AKAP9: variants seen among roughly 807,000 people sequenced by gnomAD.
The protein encoded by AKAP9 is A-kinase anchoring protein 9.
A neutral mutation model predicts 488.5 loss-of-function variants in AKAP9; 311 were observed. That is an observed-to-expected ratio of 0.64 (90% CI 0.58 to 0.70). The LOEUF is 0.70. Among genes scored for constraint, AKAP9 ranks in the 30% least tolerant of loss-of-function variants. The pLI is 0.00. For synonymous variants in AKAP9, 1,462 were observed against 1,483.5 expected (o/e 0.99, Z 0.33); for missense variants, 4,215 against 4,374.5 (o/e 0.96, Z 1.03).
intron 26 of AKAP9, among the ~76,000 whole-genome samples, chr7:92,067,505 C>T (rs1232969206): frequency 5.3e-5 from 8 of 152,202 alleles, no homozygotes; most frequent in African/African-American, 1.9e-4. Flanking sequence ...GACTGCACTA[C>T]ATCTTTCTGT....
Position 92,040,789 on chromosome 7 carries a change from A to G in AKAP9, c.4808A>G (p.Gln1603Arg). Reference protein sequence around the residue: ...ELVRQYQEHQQATELLRQAHM... With the variant: ...ELVRQYQEHQRATELLRQAHM... ...GTACGACAATACCAAGAACATCAAC[A>G]GGCAACGGAATTGTTAAGGCAAGCA... Residue 1603 changes from glutamine (Q) to arginine (R), a missense_variant, in exon 18 of 50, where the codon CAG (glutamine) becomes CGG (arginine). Around this residue, in one of 5 missense-constraint regions of AKAP9, gnomAD observed 2,361 missense variants for 2,430.0 expected, o/e 0.97. Coordinates refer to ENST00000356239, the MANE Select transcript of AKAP9 (RefSeq NM_005751.5). 1 of 1,614,094 alleles carries G rather than the reference A, an allele frequency of 6.2e-7. No homozygotes were observed. Among genetic ancestry groups the G allele is most frequent in the Non-Finnish European group, 8.5e-7 (1 of 1,180,026 alleles).
At chr7:92,018,828 T>C (rs1453938405) in intron 12 of AKAP9, among the ~76,000 whole-genome samples, 4 of 152,230 alleles carry the variant, frequency 2.6e-5, no homozygotes, top group African/African-American at 9.6e-5. Flanking sequence ...AGGTCAGTCC[T>C]TCTGAGCTGC....
chr7:92,081,194 A>G (rs1202696898), intron 31 of AKAP9, among the ~76,000 whole-genome samples: 1 of 152,116 alleles, frequency 6.6e-6, no homozygotes, highest in Non-Finnish European at 1.5e-5. Flanking sequence ...TTTAAGTAAT[A>G]ATAAGTATGA....
chr7:92,009,305 A>G (rs1450880506), intron 8 of AKAP9, among the ~76,000 whole-genome samples: 1 of 152,190 alleles, frequency 6.6e-6, no homozygotes, highest in Admixed American at 6.5e-5. Flanking sequence ...GATACCAAAG[A>G]GATTCATAAA....
intron 8 of AKAP9, among the ~76,000 whole-genome samples, chr7:92,003,720 C>T (rs142628906): frequency 6.6e-6 from 1 of 151,790 alleles, no homozygotes; most frequent in African/African-American, 2.4e-5. Flanking sequence ...GAAAAAAAAA[C>T]CTTTGATTTA....
chr7:92,016,261 G>C lies in AKAP9; in HGVS notation c.3745G>C (p.Val1249Leu). ...DPELQDYRYE[V>L]QDFQENMHTL... Reference sequence around the variant, plus strand: ...AGAATTACAAGATTATAGATATGAAGTTCAAGGTAATAAAAGCTTACCATA... The same window carrying C: ...AGAATTACAAGATTATAGATATGAACTTCAAGGTAATAAAAGCTTACCATA... Residue 1249 changes from valine (V) to leucine (L), a missense_variant, in exon 11 of 50, where the codon GTT (valine) becomes CTT (leucine). Transcript: ENST00000356239. 6.5e-7 allele frequency: 1 copy of C among 1,534,482 alleles called. No individual in the cohort carries two copies. Among genetic ancestry groups the C allele is most frequent in the Non-Finnish European group, 9.0e-7 (1 of 1,112,490 alleles).
At chr7:92,106,328 A>C (rs1158998619) in intron 47 of AKAP9, among the ~76,000 whole-genome samples, 1 of 152,160 alleles carries the variant, frequency 6.6e-6, no homozygotes, top group Non-Finnish European at 1.5e-5. Context: ...TATTCTCCCA[A>C]TCCTATGATA....
At chr7:92,105,630 T>TA in intron 46 of AKAP9, 48 bp from the exon 47 acceptor site, 1 of 1,303,468 alleles carries the variant, frequency 7.7e-7, no homozygotes, top group South Asian at 1.2e-5. Flanking sequence ...GAAATGTATA[T>TA]ACTGTTTATA....
rs1234117082 is a variant in AKAP9 at position 92,095,014 on chromosome 7, C to G, written c.9579-9C>G. 1.2e-6 allele frequency: 2 copies of G among 1,613,398 alleles called. No homozygotes were observed. The highest frequency in any genetic ancestry group is 1.7e-6 in the Non-Finnish European group (2 of 1,179,446). On this transcript the variant is annotated splice_polypyrimidine_tract_variant and intron_variant, in intron 39 of 49. Coordinates refer to ENST00000356239, the MANE Select transcript of AKAP9 (RefSeq NM_005751.5). ...GCTTTATGGAAATTCATTTGTCTTT[C>G]TGACTTAGGTTGGAAGTTAAAGATA...
chr7:92,045,302 A>G, intron 21 of AKAP9, 89 bp downstream of exon 21: 2 of 1,296,702 alleles, frequency 1.5e-6, no homozygotes, highest in Non-Finnish European at 1.1e-6. Context: ...TATAGAAGAG[A>G]AAATAAGTAT....
chr7:92,109,732 T>TC (rs1438306701), intron 49 of AKAP9, among the ~76,000 whole-genome samples: 5 of 152,182 alleles, frequency 3.3e-5, no homozygotes, highest in Non-Finnish European at 5.9e-5. Context: ...GGTCAGGAGT[T>TC]CAAGACCAAC....
chr7:91,973,189 A>T (rs1795294900), intron 1 of AKAP9, among the ~76,000 whole-genome samples: 1 of 152,142 alleles, frequency 6.6e-6, no homozygotes, highest in Non-Finnish European at 1.5e-5. Context: ...CAGCCTGGGC[A>T]ACGTGGCAAA....
At chr7:92,023,837 A>G (rs1021923453) in intron 14 of AKAP9, among the ~76,000 whole-genome samples, 22 of 152,076 alleles carry the variant, frequency 1.4e-4, no homozygotes, top group Admixed American at 7.9e-4. Flanking sequence ...TCCTTAAACA[A>G]GCATTATCAG....
At chr7:91,985,152 T>C (rs1377400230) in intron 3 of AKAP9, among the ~76,000 whole-genome samples, 1 of 152,224 alleles carries the variant, frequency 6.6e-6, no homozygotes, top group Non-Finnish European at 1.5e-5. Flanking sequence ...AAGACTATGT[T>C]GAATAGGAGT....
intron 38 of AKAP9, chr7:92,090,554 G>A (rs1447263521): frequency 6.6e-6 from 1 of 151,862 alleles, no homozygotes; most frequent in African/African-American, 2.4e-5. Context: ...CCCAGAAGGT[G>A]GAGGTTGCAG....
intron 48 of AKAP9, 52 bp downstream of exon 48, chr7:92,107,474 C>G: frequency 6.4e-7 from 1 of 1,573,514 alleles, no homozygotes. Context: ...TAATATTTAA[C>G]AGAGATAAAT....
At chr7:91,985,110 T>C (rs1188330391) in intron 3 of AKAP9, among the ~76,000 whole-genome samples, 2 of 152,202 alleles carry the variant, frequency 1.3e-5, no homozygotes, top group African/African-American at 2.4e-5. Context: ...TTTATTTCTT[T>C]CTCTTGTCTG....
At position 92,102,653 on chromosome 7, in the gene AKAP9, G is replaced by A. The variant is rs1060504955; in HGVS notation, c.11157G>A (p.Lys3719=). 6.2e-7 allele frequency: 1 copy of A among 1,614,096 alleles called. No individual in the cohort carries two copies. Among genetic ancestry groups the A allele is most frequent in the Admixed American group, 1.7e-5 (1 of 59,996 alleles). ...TTCGAAAGGCTCTCATTTACCAGAA[G>A]AAATACCTGCTGCTGTTACTGGGTG... ...ESFRKALIYQ[K]KYLLLLLGGF... is the part of the protein sequence containing the mutation. Residue 3719 remains lysine, a synonymous_variant, in exon 46 of 50, where the codon AAG becomes AAA. Transcript: ENST00000356239.
intron 23 of AKAP9, among the ~76,000 whole-genome samples, chr7:92,061,974 A>G (rs1442228182): frequency 2.0e-5 from 3 of 152,168 alleles, no homozygotes; most frequent in Admixed American, 6.5e-5. Context: ...TACTGTTTAT[A>G]TCTGTTTAAT....
Sources: gnomAD v4.1 joint callset for allele counts (sites outside exome capture counted in the v4.1 genomes callset) on GRCh38, gnomAD v4.1.1 for gene constraint, gnomAD v4.1.1 regional missense constraint, MANE v1.5 for transcripts, NCBI Gene and HGNC (gene_info 2026-07-23, HGNC 2026-07-21) for gene names.